EHMT1: variants seen among roughly 807,000 people sequenced by gnomAD.
The protein encoded by EHMT1 is euchromatic histone lysine methyltransferase 1, also known as histone-lysine N-methyltransferase EHMT1.
Under a neutral mutation model 147.2 loss-of-function variants are expected in EHMT1, and 15 were observed. The observed-to-expected ratio is 0.10, with a 90% CI of 0.07 to 0.16. EHMT1 has a LOEUF of 0.16. Ranked by LOEUF, EHMT1 falls within the 10% of genes least tolerant of loss-of-function variation. The probability of loss-of-function intolerance (pLI) is 1.00; values close to 1 mark genes in which losing one functional copy is unlikely to be tolerated. For missense variants in EHMT1, 1,587 were observed against 1,772.4 expected, an observed-to-expected ratio of 0.90 and a Z score of 1.88; for synonymous variants, 795 against 709.6, an observed-to-expected ratio of 1.12 and a Z score of -1.91.
At chr9:137,808,522 C>T (rs767405720) in intron 18 of EHMT1, among the ~76,000 whole-genome samples, 1 of 152,296 alleles carries the variant, frequency 6.6e-6, no homozygotes, top group East Asian at 1.9e-4. Flanking sequence ...GTCTGTATCA[C>T]CCCATTGTTT....
intron 1 of EHMT1, among the ~76,000 whole-genome samples, chr9:137,704,621 A>G (rs1944097635): frequency 6.6e-6 from 1 of 151,926 alleles, no homozygotes; most frequent in Non-Finnish European, 1.5e-5. Flanking sequence ...AATCTTCATT[A>G]TTGCTGCTTG....
intron 1 of EHMT1, among the ~76,000 whole-genome samples, chr9:137,643,083 G>T (rs1036279543): frequency 6.6e-6 from 1 of 151,718 alleles, no homozygotes; most frequent in Non-Finnish European, 1.5e-5. Context: ...GGGTCTCACT[G>T]TGTTGCCCAG....
In EHMT1 at chr9:137,635,738, T is replaced by G. The variant is rs980078107; in HGVS notation, c.21+16689T>G. On this transcript the variant is annotated intron_variant, in intron 1 of 26. Transcript: ENST00000460843. ...GGGAGGCTGAGGCAGGAGAATGGCATGAACCTGGGAGGCGGAGCTTGCAGT... is the reference window on the plus strand; with the variant it reads ...GGGAGGCTGAGGCAGGAGAATGGCAGGAACCTGGGAGGCGGAGCTTGCAGT... Among the ~76,000 whole-genome samples the G allele has an allele frequency of 1.3e-4, 19 of 150,804 alleles. No individual in the cohort carries two copies. The Middle Eastern group carries it at 0.01, about 81-fold the overall frequency.
chr9:137,835,014 C>G lies in EHMT1; in HGVS notation c.*61C>G, dbSNP rs1398847384. 1 of 1,354,418 alleles carries G rather than the reference C, an allele frequency of 7.4e-7. No individual in the cohort carries two copies. Among genetic ancestry groups the G allele is most frequent in the Non-Finnish European group, 9.4e-7 (1 of 1,059,120 alleles). The allele number at this position is 1,354,418 out of a possible 1,614,324, so 83.9% of individuals were successfully genotyped here. On this transcript the variant is annotated 3_prime_UTR_variant, in exon 27 of 27. Coordinates refer to ENST00000460843, the MANE Select transcript of EHMT1 (RefSeq NM_024757.5). ...GACCGCCGCGTCGCCGATTAGAGGA[C>G]GAGGAGGAGAGATTCCGCACGCAAC...
chr9:137,706,607 C>G (rs920916367), intron 1 of EHMT1, among the ~76,000 whole-genome samples: 4 of 152,082 alleles, frequency 2.6e-5, no homozygotes, highest in Non-Finnish European at 5.9e-5. Flanking sequence ...CTGCCTCAGC[C>G]TCCTGAGTAG....
At chr9:137,649,933 C>G (rs967589187) in intron 1 of EHMT1, among the ~76,000 whole-genome samples, 2 of 152,192 alleles carry the variant, frequency 1.3e-5, no homozygotes, top group South Asian at 4.1e-4. Flanking sequence ...AAAGTGTACA[C>G]GGAGTCTCTG....
intron 16 of EHMT1, among the ~76,000 whole-genome samples, chr9:137,793,316 A>G (rs1371534167): frequency 1.3e-5 from 2 of 152,258 alleles, no homozygotes. Context: ...AGGAAGGCCC[A>G]CAAGGGCCAT....
intron 1 of EHMT1, among the ~76,000 whole-genome samples, chr9:137,635,356 A>G (rs943753037): frequency 6.9e-6 from 1 of 145,906 alleles, no homozygotes; most frequent in African/African-American, 2.5e-5. Context: ...ACAGGCACCC[A>G]TCGCCACGCC....
chr9:137,694,070 C>T lies in EHMT1; in HGVS notation c.22-16897C>T, dbSNP rs111316250. Among the ~76,000 whole-genome samples the T allele has an allele frequency of 6.1e-5, 5 of 81,396 alleles. 1 individual carries two copies. Among genetic ancestry groups the T allele is most frequent in the Non-Finnish European group, 1.2e-4 (5 of 41,672 alleles). The allele number at this position is 81,396 out of a possible 152,430, so 53.4% of individuals were successfully genotyped here. ...ATACCCCCCACACAGTGGCTCAGGA[C>T]GCTGGCCGATACCCCCCACACAGTG... On this transcript the variant is annotated intron_variant, in intron 1 of 26. Transcript: ENST00000460843.
At chr9:137,814,056 G>GCCGCC (rs1954715609) in intron 21 of EHMT1, among the ~76,000 whole-genome samples, 18 of 50,052 alleles carry the variant, frequency 3.6e-4, no homozygotes, top group Non-Finnish European at 4.5e-4. Flanking sequence ...CACTGCCCAG[G>GCCGCC]CCCCCCCCCC....
intron 1 of EHMT1, among the ~76,000 whole-genome samples, chr9:137,701,131 C>T (rs1943788124): frequency 6.6e-6 from 1 of 151,940 alleles, no homozygotes; most frequent in Non-Finnish European, 1.5e-5. Context: ...GGAACGTCCG[C>T]CCCCATGATC....
In EHMT1 at chr9:137,757,845, G is replaced by T. The variant is rs545401254; in HGVS notation, c.1370-35G>T. The T allele has an allele frequency of 4.3e-6, 7 of 1,612,688 alleles. No individual in the cohort carries two copies. In the South Asian group the frequency reaches 7.7e-5, roughly 18 times the overall value. The stretch of plus-strand genomic sequence containing the variant: ...TCTGGGTGGGTGCGGCCGCCTGGGT[G>T]CGTGGTGTCTGATGTGTGTGCCTTT... On this transcript the variant is annotated intron_variant, in intron 8 of 26. Transcript: ENST00000460843.
intron 9 of EHMT1, among the ~76,000 whole-genome samples, chr9:137,760,727 G>A (rs1464036763): frequency 6.6e-6 from 1 of 152,222 alleles, no homozygotes; most frequent in Non-Finnish European, 1.5e-5. Flanking sequence ...GATGCACTAA[G>A]AGGCTGGCAG....
rs149257611 is a variant in EHMT1, at chr9:137,815,724, G to A, written c.3259-223G>A. ...GGCCCCAGGCTGGGCCTAGGGGAGCGCTCCAGGGGGTCTCCACAACCTGTG... is the reference window on the plus strand; with the variant it reads ...GGCCCCAGGCTGGGCCTAGGGGAGCACTCCAGGGGGTCTCCACAACCTGTG... On this transcript the variant is annotated intron_variant, in intron 22 of 26. Transcript: ENST00000460843. The A allele has an allele frequency of 2.0e-3, 1,172 of 573,596 alleles. 26 individuals are homozygous for A. In the East Asian group the frequency reaches 0.032, roughly 15 times the overall value. 35.5% of individuals were successfully genotyped at this position (573,596 alleles called of 1,614,324 possible). A position where few individuals can be genotyped will look rare whatever the true frequency, so the allele number is the denominator to read the frequency against.
intron 17 of EHMT1, among the ~76,000 whole-genome samples, chr9:137,799,993 T>G (rs898714658): frequency 8.5e-5 from 13 of 152,224 alleles, no homozygotes; most frequent in Admixed American, 4.6e-4. Context: ...TGGTGCTGAC[T>G]GTCGACCGCA....
chr9:137,619,019 G>T lies in EHMT1; in HGVS notation c.-10G>T. 1.7e-5 allele frequency: 17 copies of T among 973,546 alleles called. No homozygotes were observed. The highest frequency in any genetic ancestry group is 2.1e-5 in the Non-Finnish European group (17 of 820,650). 60.3% of individuals were successfully genotyped at this position (973,546 alleles called of 1,614,324 possible). ...GCGGGAGGGGCGGGGCCACGCTGCG[G>T]GCCCGGGCCATGGCCGCCGCCGATG... On this transcript the variant is annotated 5_prime_UTR_variant, in exon 1 of 27. Transcript: ENST00000460843.
chr9:137,800,746 T>G, intron 17 of EHMT1, 134 bp from the exon 18 acceptor site: 1 of 723,722 alleles, frequency 1.4e-6, no homozygotes, highest in Non-Finnish European at 2.4e-6. Context: ...AAGGTTGCAT[T>G]CAGGTCCTGA....
chr9:137,679,451 C>A (rs555268701), intron 1 of EHMT1, among the ~76,000 whole-genome samples: 5 of 152,176 alleles, frequency 3.3e-5, no homozygotes, highest in Admixed American at 2.6e-4. Context: ...CATTCATTTG[C>A]TGATGTTTTG....
At chr9:137,677,799 C>T (rs1485443788) in intron 1 of EHMT1, among the ~76,000 whole-genome samples, 1 of 152,012 alleles carries the variant, frequency 6.6e-6, no homozygotes, top group Admixed American at 6.6e-5. Flanking sequence ...TGGCTCACGC[C>T]TGTAATCCCA....
Sources: gnomAD v4.1 joint callset for allele counts (sites outside exome capture counted in the v4.1 genomes callset) on GRCh38, gnomAD v4.1.1 for gene constraint, MANE v1.5 for transcripts, NCBI Gene and HGNC (gene_info 2026-07-23, HGNC 2026-07-21) for gene names.